PUM2: variants seen among roughly 807,000 people sequenced by gnomAD.
PUM2 encodes pumilio RNA binding family member 2.
PUM2 carries 57 observed loss-of-function variants against 124.5 expected under a neutral mutation model. That is an observed-to-expected ratio of 0.46 (90% CI 0.37 to 0.57). The LOEUF is 0.57. Among genes scored for constraint, PUM2 ranks in the 20% least tolerant of loss-of-function variants. The pLI, the probability that PUM2 is intolerant of heterozygous loss-of-function variation, is 0.00. For missense variants in PUM2, 1,065 were observed against 1,290.6 expected, an observed-to-expected ratio of 0.83 and a Z score of 2.68; for synonymous variants, 460 against 446.1, an observed-to-expected ratio of 1.03 and a Z score of -0.39.
intron 2 of PUM2, among the ~76,000 whole-genome samples, chr2:20,325,217 G>GT (rs1683377840): frequency 6.6e-6 from 1 of 151,986 alleles, no homozygotes; most frequent in African/African-American, 2.4e-5. Context: ...TGAGGTGACA[G>GT]TGTTAGTGCT....
intron 1 of PUM2, among the ~76,000 whole-genome samples, chr2:20,336,746 A>ATGTGTGTG (rs1491533264): frequency 3.4e-5 from 3 of 87,312 alleles, no homozygotes; most frequent in East Asian, 3.1e-4. Flanking sequence ...GCCCAGGCTG[A>ATGTGTGTG]TCTGTGTGTG....
At chr2:20,291,577 A>C (rs1338812300) in intron 9 of PUM2, among the ~76,000 whole-genome samples, 2 of 152,022 alleles carry the variant, frequency 1.3e-5, no homozygotes, top group African/African-American at 4.8e-5. Context: ...TTGTACTTCC[A>C]TTTTTTCTTC....
At chr2:20,316,917 G>A (rs972898207) in intron 3 of PUM2, among the ~76,000 whole-genome samples, 4 of 152,080 alleles carry the variant, frequency 2.6e-5, no homozygotes, top group African/African-American at 9.6e-5. Context: ...TATTATCCCA[G>A]CTACTCAGGA....
chr2:20,255,373 T>G, intron 17 of PUM2, 32 bp from the exon 18 acceptor site: 1 of 1,596,854 alleles, frequency 6.3e-7, no homozygotes, highest in Non-Finnish European at 8.5e-7. Flanking sequence ...AAAATTTGTA[T>G]TCTCTGACAT....
intron 19 of PUM2, 60 bp from the exon 20 acceptor site, chr2:20,254,074 T>G: frequency 6.9e-7 from 1 of 1,440,214 alleles, no homozygotes; most frequent in Non-Finnish European, 9.5e-7. Context: ...CAAAATTTCC[T>G]TGACTTATAG....
intron 8 of PUM2, among the ~76,000 whole-genome samples, chr2:20,296,175 G>A (rs370314421): frequency 1.9e-4 from 29 of 152,124 alleles, no homozygotes; most frequent in South Asian, 1.0e-3. Context: ...TTTCTTCCCC[G>A]TTTTTTAAAA....
chr2:20,314,743 T>A (rs1680461652), intron 3 of PUM2, among the ~76,000 whole-genome samples: 1 of 152,232 alleles, frequency 6.6e-6, no homozygotes, highest in African/African-American at 2.4e-5. Flanking sequence ...CTTTCAGTCA[T>A]GTATCCGTTC....
At chr2:20,311,218 T>C (rs1679523810) in intron 5 of PUM2, among the ~76,000 whole-genome samples, 1 of 152,040 alleles carries the variant, frequency 6.6e-6, no homozygotes, top group Non-Finnish European at 1.5e-5. Flanking sequence ...AAAGTTCAAA[T>C]TTAGACTATT....
At chr2:20,323,631 G>T (rs1007416972) in intron 2 of PUM2, among the ~76,000 whole-genome samples, 4 of 151,844 alleles carry the variant, frequency 2.6e-5, no homozygotes, top group Admixed American at 1.3e-4. Context: ...ATAGCTGTTT[G>T]ACTTCTCTTG....
At chr2:20,319,211 C>T (rs887737158) in intron 2 of PUM2, among the ~76,000 whole-genome samples, 3 of 152,226 alleles carry the variant, frequency 2.0e-5, no homozygotes, top group Admixed American at 1.3e-4. Flanking sequence ...CTATCCTATA[C>T]TGTGACATGC....
intron 13 of PUM2, among the ~76,000 whole-genome samples, chr2:20,274,268 A>C (rs142711295): frequency 2.6e-5 from 4 of 152,298 alleles, no homozygotes; most frequent in African/African-American, 9.6e-5. Flanking sequence ...CTGCTAAAGG[A>C]TAACAGTATT....
chr2:20,322,197 C>T (rs1682537965), intron 2 of PUM2, among the ~76,000 whole-genome samples: 2 of 151,940 alleles, frequency 1.3e-5, no homozygotes, highest in Admixed American at 1.3e-4. Flanking sequence ...AATAATCATG[C>T]CATGAGAAGA....
At chr2:20,351,107 A>C (rs1054397612), upstream of PUM2, among the ~76,000 whole-genome samples, 6 of 152,096 alleles carry the variant, frequency 3.9e-5, no homozygotes, top group African/African-American at 1.4e-4. Flanking sequence ...GCGCAGGCGT[A>C]CTGTTGCCAA....
chr2:20,341,219 GTT>G (rs1264045021), intron 1 of PUM2, among the ~76,000 whole-genome samples: 1 of 151,768 alleles, frequency 6.6e-6, no homozygotes, highest in Non-Finnish European at 1.5e-5. Context: ...TGACCCAGAA[GTT>G]TCTCTTTTGG....
intron 9 of PUM2, 55 bp downstream of exon 9, chr2:20,294,321 G>C (rs111629075): frequency 6.3e-7 from 1 of 1,579,152 alleles, no homozygotes; most frequent in Middle Eastern, 2.0e-4. Context: ...TAAACATTAG[G>C]AGCTCAAAGA....
intron 19 of PUM2, among the ~76,000 whole-genome samples, chr2:20,254,659 C>T (rs1664327468): frequency 6.6e-6 from 1 of 151,804 alleles, no homozygotes; most frequent in Admixed American, 6.6e-5. Flanking sequence ...ATACAGATTT[C>T]ATAAATGAAC....
chr2:20,264,352 AAAAAAAAAAAAAAAAATATATATAT>A (rs1667029888), intron 13 of PUM2, among the ~76,000 whole-genome samples: 2 of 76,284 alleles, frequency 2.6e-5, no homozygotes, highest in African/African-American at 1.1e-4. Context: ...AAAAAAAAAA[AAAAAAAAAAAAAAAAATATATATAT>A]ATATATATAT....
chr2:20,314,192 G>A (rs578223368), intron 3 of PUM2, among the ~76,000 whole-genome samples: 4 of 152,084 alleles, frequency 2.6e-5, no homozygotes, highest in South Asian at 2.1e-4. Flanking sequence ...ATAAACTTTC[G>A]ATTTGGCAGA....
intron 13 of PUM2, among the ~76,000 whole-genome samples, chr2:20,278,152 T>C (rs1260212551): frequency 6.6e-6 from 1 of 152,166 alleles, no homozygotes; most frequent in Non-Finnish European, 1.5e-5. Flanking sequence ...TCTGGTAAAA[T>C]GGCCAGGCAT....
Sources: gnomAD v4.1 joint callset for allele counts (sites outside exome capture counted in the v4.1 genomes callset) on GRCh38, gnomAD v4.1.1 for gene constraint, MANE v1.5 for transcripts, NCBI Gene and HGNC (gene_info 2026-07-23, HGNC 2026-07-21) for gene names.